Variants in MAML3 observed in about 807,000 individuals in gnomAD.
The protein encoded by MAML3 is mastermind like transcriptional coactivator 3.
MAML3 carries 27 observed loss-of-function variants against 101.9 expected under a neutral mutation model. That is an observed-to-expected ratio of 0.27 (90% CI 0.20 to 0.37). The LOEUF (loss-of-function observed/expected upper bound fraction) is 0.37, where lower values mean the gene tolerates loss of function less well. Ranked by LOEUF, MAML3 falls within the 10% of genes least tolerant of loss-of-function variation. MAML3 has a pLI of 1.00. For synonymous variants in MAML3, 501 were observed against 555.9 expected (o/e 0.90, Z 1.39); for missense variants, 1,316 against 1,444.9 (o/e 0.91, Z 1.45).
chr4:139,910,476 A>G (rs928164991), intron 1 of MAML3, among the ~76,000 whole-genome samples: 1 of 152,102 alleles, frequency 6.6e-6, no homozygotes, highest in East Asian at 1.9e-4. Context: ...ATTCAAATTT[A>G]TTTAAATACT....
intron 1 of MAML3, among the ~76,000 whole-genome samples, chr4:140,110,030 T>A (rs529589867): frequency 2.0e-5 from 3 of 151,874 alleles, no homozygotes; most frequent in Non-Finnish European, 4.4e-5. Flanking sequence ...GAAAACGGGG[T>A]GGGTGGGAGA....
intron 1 of MAML3, among the ~76,000 whole-genome samples, chr4:140,060,433 A>T (rs563343981): frequency 7.9e-4 from 118 of 149,870 alleles, no homozygotes; most frequent in Middle Eastern, 3.4e-3. Flanking sequence ...AGATGGGCTA[A>T]GTTCTCTTAA....
intron 1 of MAML3, among the ~76,000 whole-genome samples, chr4:140,012,062 G>A (rs1048048985): frequency 5.9e-5 from 9 of 151,316 alleles, no homozygotes; most frequent in African/African-American, 1.9e-4. Flanking sequence ...ATTATGTAAT[G>A]CCTCTTCAAT....
At chr4:140,075,981 C>T (rs112209168) in intron 1 of MAML3, among the ~76,000 whole-genome samples, 2,792 of 152,138 alleles carry the variant, frequency 0.018, 85 homozygotes, top group African/African-American at 0.065. Context: ...AGGCTAGTCT[C>T]GAACTCCTGG....
rs557620495 is a variant in MAML3 at position 140,019,591 on chromosome 4, C to T, written c.469-128624G>A. 1.6e-4 allele frequency among the ~76,000 whole-genome samples: 25 copies of T among 152,306 alleles called. 1 individual carries two copies. In the South Asian group the frequency reaches 5.0e-3, roughly 30 times the overall value. Reference sequence around the variant, plus strand: ...TATGAACACGGCCAACAACATAAGGCAGCTCTCTGAAATATATGTTAGAGC... The same window carrying T: ...TATGAACACGGCCAACAACATAAGGTAGCTCTCTGAAATATATGTTAGAGC... On this transcript the variant is annotated intron_variant, in intron 1 of 4. Transcript: ENST00000509479.
intron 1 of MAML3, among the ~76,000 whole-genome samples, chr4:140,107,695 G>A (rs1428307224): frequency 6.6e-6 from 1 of 151,366 alleles, no homozygotes; most frequent in Non-Finnish European, 1.5e-5. Context: ...AGTAGAGATC[G>A]GGTTTCTCCA....
At chr4:140,090,387 A>G (rs768726987) in intron 1 of MAML3, among the ~76,000 whole-genome samples, 4 of 152,264 alleles carry the variant, frequency 2.6e-5, no homozygotes, top group Non-Finnish European at 5.9e-5. Flanking sequence ...GAGGCACACA[A>G]CAGGAATGAC....
chr4:139,843,503 T>A (rs1287061071), intron 2 of MAML3, among the ~76,000 whole-genome samples: 2 of 152,242 alleles, frequency 1.3e-5, no homozygotes, highest in Non-Finnish European at 2.9e-5. Context: ...TACCCATGTT[T>A]AAGGACAAGG....
At chr4:140,016,626 T>G (rs545964120) in intron 1 of MAML3, among the ~76,000 whole-genome samples, 1 of 152,194 alleles carries the variant, frequency 6.6e-6, no homozygotes, top group African/African-American at 2.4e-5. Context: ...CAGAGATAGA[T>G]CCACCTAATA....
At chr4:139,889,088 T>G in intron 2 of MAML3, 1 of 620,450 alleles carries the variant, frequency 1.6e-6, no homozygotes, top group Non-Finnish European at 3.0e-6. Flanking sequence ...GAGTGAGAAT[T>G]TTATGTAATT....
chr4:140,036,800 CT>C (rs1180608954), intron 1 of MAML3, among the ~76,000 whole-genome samples: 1 of 152,188 alleles, frequency 6.6e-6, no homozygotes, highest in African/African-American at 2.4e-5. Flanking sequence ...TCTTTCACTT[CT>C]TTTCCCAAAA....
At chr4:139,992,068 G>A (rs954001009) in intron 1 of MAML3, among the ~76,000 whole-genome samples, 2 of 152,014 alleles carry the variant, frequency 1.3e-5, no homozygotes, top group South Asian at 4.2e-4. Context: ...TCCACAAATC[G>A]GCCTTTTCTA....
chr4:139,801,310 T>G (rs976357282), intron 2 of MAML3, among the ~76,000 whole-genome samples: 1 of 152,254 alleles, frequency 6.6e-6, no homozygotes, highest in East Asian at 1.9e-4. Context: ...AAAGAATTAT[T>G]TGTTTTTCAT....
At chr4:140,133,051 G>A (rs1728822459) in intron 1 of MAML3, 2 of 426,744 alleles carry the variant, frequency 4.7e-6, no homozygotes, top group Non-Finnish European at 9.3e-6. Context: ...ATTTTAAAAG[G>A]AGGGGAGAAC....
chr4:139,728,836 C>A (rs2110982259), intron 3 of MAML3, among the ~76,000 whole-genome samples: 1 of 152,318 alleles, frequency 6.6e-6, no homozygotes, highest in South Asian at 2.1e-4. Context: ...TGTGGGAACA[C>A]CCTTGGGCTG....
intron 1 of MAML3, among the ~76,000 whole-genome samples, chr4:139,959,259 G>GT (rs1025417970): frequency 1.1e-4 from 17 of 152,286 alleles, no homozygotes; most frequent in African/African-American, 4.1e-4. Flanking sequence ...ACATCTACCT[G>GT]TAAAAACCAG....
chr4:139,734,287 G>A (rs1222632815), intron 2 of MAML3, among the ~76,000 whole-genome samples: 2 of 152,194 alleles, frequency 1.3e-5, no homozygotes, highest in African/African-American at 4.8e-5. Context: ...ACACTGTGTT[G>A]TGCAATTAGA....
chr4:139,979,967 G>A (rs1734415920), intron 1 of MAML3, among the ~76,000 whole-genome samples: 1 of 152,188 alleles, frequency 6.6e-6, no homozygotes, highest in Non-Finnish European at 1.5e-5. Context: ...CAGGGTCTAG[G>A]TGAGTACGGA....
intron 2 of MAML3, among the ~76,000 whole-genome samples, chr4:139,809,936 T>G (rs934842156): frequency 6.6e-6 from 1 of 151,610 alleles, no homozygotes; most frequent in Non-Finnish European, 1.5e-5. Context: ...GCTTTGTAGA[T>G]GAATAATGGT....
Sources: allele counts gnomAD v4.1 joint callset (sites outside exome capture counted in the v4.1 genomes callset), GRCh38; gene constraint gnomAD v4.1.1; transcripts MANE v1.5; gene names NCBI Gene and HGNC (gene_info 2026-07-23, HGNC 2026-07-21).